Variants in UBN2 observed in about 807,000 individuals in gnomAD.
UBN2 encodes the protein ubinuclein-2.
UBN2 carries 35 observed loss-of-function variants against 120.2 expected under a neutral mutation model. The ratio of observed to expected loss-of-function variants is 0.29; its 90% CI spans 0.22 to 0.39. The LOEUF (loss-of-function observed/expected upper bound fraction) is 0.39. Among genes scored for constraint, UBN2 ranks in the 10% least tolerant of loss-of-function variants. The pLI is 1.00. For synonymous variants in UBN2, 661 were observed against 648.7 expected (o/e 1.02, Z -0.29); for missense variants, 1,693 against 1,663.2 (o/e 1.02, Z -0.31).
In UBN2 at chr7:139,301,322, C is replaced by T. The variant is rs1032864969; in HGVS notation, c.*3486C>T. On this transcript the variant is annotated 3_prime_UTR_variant, in exon 18 of 18. Transcript: ENST00000473989. The stretch of plus-strand genomic sequence containing the variant: ...TACCCAGGGTTGGAAAGGGCAGGCA[C>T]CTCTAATCTAGTCTTTGTCCTCTGG... 2.6e-5 allele frequency: 4 copies of T among 152,114 alleles called. No individual in the cohort carries two copies. Among genetic ancestry groups the T allele is most frequent in the African/African-American group, 9.7e-5 (4 of 41,422 alleles). 9.4% of individuals were successfully genotyped at this position (152,114 alleles called of 1,614,324 possible). A position where few individuals can be genotyped will look rare whatever the true frequency, so the allele number is the denominator to read the frequency against.
intron 7 of UBN2, 60 bp downstream of exon 7, chr7:139,266,463 G>A (rs1797103319): frequency 6.0e-6 from 6 of 1,004,636 alleles, no homozygotes; most frequent in South Asian, 4.5e-5. Flanking sequence ...AATGTAATAG[G>A]CCTTTGAGAT....
In UBN2 at chr7:139,231,741, T is replaced by C. The variant is rs1462617554; in HGVS notation, c.257T>C (p.Leu86Pro). The C allele has an allele frequency of 8.3e-6, 10 of 1,206,936 alleles. No homozygotes were observed. The East Asian group carries it at 3.5e-4, about 42-fold the overall frequency. The allele number at this position is 1,206,936 out of a possible 1,614,324, so 74.8% of individuals were successfully genotyped here. ...AGCCGCGCCGAGCCGCCCATGTCGC[T>C]GCAGCGGGAGCCCCCGCGGCCCGAG... ...EVSRAEPPMSLQREPPRPEPP... is the reference protein window; with the variant it reads ...EVSRAEPPMSPQREPPRPEPP... The change falls in exon 1 of 18, where the codon CTG (leucine) becomes CCG (proline). Residue 86 changes from leucine to proline, a missense_variant. Physicochemically the swap from Leu to Pro is moderately conservative, Grantham distance 98. Coordinates refer to ENST00000473989, the MANE Select transcript of UBN2 (RefSeq NM_173569.4).
At position 139,285,867 on chromosome 7, in the gene UBN2, C is replaced by G. The variant is rs902168780; in HGVS notation, c.3669+1293C>G. On this transcript the variant is annotated intron_variant, in intron 15 of 17. Transcript: ENST00000473989. ...AGGAGATTCTCCTGCCTTAGGCTCC[C>G]GAGTAGCTGGAATTACAGGCACCCG... is the stretch of plus-strand genomic sequence containing the variant. 2.0e-5 allele frequency among the ~76,000 whole-genome samples: 3 copies of G among 152,136 alleles called. No individual in the cohort carries two copies. In the South Asian group the frequency reaches 6.2e-4, roughly 31 times the overall value.
At chr7:139,275,111 C>T (rs937943527) in intron 11 of UBN2, among the ~76,000 whole-genome samples, 17 of 151,168 alleles carry the variant, frequency 1.1e-4, no homozygotes, top group African/African-American at 3.2e-4. Context: ...AACCCTGTAT[C>T]TACTAAAAAT....
intron 3 of UBN2, 105 bp from the exon 4 acceptor site, chr7:139,258,383 A>C (rs992664235): frequency 1.3e-6 from 1 of 779,532 alleles, no homozygotes; most frequent in Non-Finnish European, 1.9e-6. Flanking sequence ...TCTGTGTTGC[A>C]GTTAGGATTT....
Position 139,231,906 on chromosome 7 carries a change from G to T in UBN2, c.422G>T (p.Cys141Phe). ...LVLKDPTDES[C>F]VEFSYPELLL... The stretch of plus-strand genomic sequence containing the variant: ...CTTAAGGACCCCACCGACGAGAGCT[G>T]CGTGGAGTTCAGTTACCCGGAGCTG... The change falls in exon 1 of 18, where the codon TGC (cysteine) becomes TTC (phenylalanine). Residue 141 changes from cysteine to phenylalanine, a missense_variant. Coordinates refer to ENST00000473989, the MANE Select transcript of UBN2 (RefSeq NM_173569.4). 1 of 1,589,048 alleles carries T rather than the reference G, an allele frequency of 6.3e-7. No individual in the cohort carries two copies. Among genetic ancestry groups the T allele is most frequent in the Non-Finnish European group, 8.5e-7 (1 of 1,173,536 alleles).
At position 139,258,336 on chromosome 7, in the gene UBN2, C is replaced by G. The variant is rs1166505986; in HGVS notation, c.664-152C>G. 5.6e-6 allele frequency: 3 copies of G among 537,306 alleles called. No individual in the cohort carries two copies. The Admixed American group carries it at 1.1e-4, about 19-fold the overall frequency. 33.3% of individuals were successfully genotyped at this position (537,306 alleles called of 1,614,324 possible). A position where few individuals can be genotyped will look rare whatever the true frequency, so the allele number is the denominator to read the frequency against. ...ACTAATTTTTATTTCAGATAGTAACCTTTTCTAAATTTATTTTACAAACAT... is the reference window on the plus strand; with the variant it reads ...ACTAATTTTTATTTCAGATAGTAACGTTTTCTAAATTTATTTTACAAACAT... On this transcript the variant is annotated intron_variant, in intron 3 of 17. Coordinates refer to ENST00000473989, the MANE Select transcript of UBN2 (RefSeq NM_173569.4).
At chr7:139,270,528 C>T (rs1415775785) in intron 8 of UBN2, among the ~76,000 whole-genome samples, 2 of 151,964 alleles carry the variant, frequency 1.3e-5, no homozygotes, top group South Asian at 2.1e-4. Context: ...CTTGGCCTCC[C>T]AAAGTGCTAG....
At chr7:139,278,818 C>A (rs968983126) in intron 12 of UBN2, among the ~76,000 whole-genome samples, 1 of 151,888 alleles carries the variant, frequency 6.6e-6, no homozygotes, top group Non-Finnish European at 1.5e-5. Flanking sequence ...TCTTTTTTTT[C>A]ATCTTCAAAC....
chr7:139,262,848 C>T (rs913564674), intron 6 of UBN2, among the ~76,000 whole-genome samples: 1 of 151,830 alleles, frequency 6.6e-6, no homozygotes, highest in Non-Finnish European at 1.5e-5. Context: ...TTTGTTATTC[C>T]ATGTGGCCCC....
At chr7:139,287,179 A>ATC (rs1563225563) in intron 15 of UBN2, among the ~76,000 whole-genome samples, 2 of 152,182 alleles carry the variant, frequency 1.3e-5, no homozygotes, top group African/African-American at 4.8e-5. Context: ...TCTTAAAATT[A>ATC]ATTCTTAATT....
chr7:139,327,638 C>G, the UBN2 span, among the ~76,000 whole-genome samples: 1 of 152,114 alleles, frequency 6.6e-6, no homozygotes, highest in African/African-American at 2.4e-5. Context: ...CCTATTAGGC[C>G]TCACCTCCCA....
intron 2 of UBN2, among the ~76,000 whole-genome samples, chr7:139,246,676 C>T (rs918805794): frequency 7.2e-5 from 11 of 152,190 alleles, no homozygotes; most frequent in Non-Finnish European, 1.3e-4. Context: ...ACAATTGCAT[C>T]ACCCCAGAAA....
intron 8 of UBN2, among the ~76,000 whole-genome samples, chr7:139,270,393 C>T (rs754253847): frequency 1.3e-5 from 2 of 151,492 alleles, no homozygotes; most frequent in South Asian, 2.1e-4. Context: ...CTCAGCCTCC[C>T]GAGTAGCTGT....
chr7:139,309,324 A>T (rs780727625), downstream of UBN2, among the ~76,000 whole-genome samples: 2 of 152,202 alleles, frequency 1.3e-5, no homozygotes, highest in Non-Finnish European at 2.9e-5. Flanking sequence ...AAGAACTAAG[A>T]AGTTAAAAAA....
At chr7:139,240,433 T>A (rs955705356) in intron 2 of UBN2, among the ~76,000 whole-genome samples, 1 of 68,770 alleles carries the variant, frequency 1.5e-5, no homozygotes, top group Non-Finnish European at 3.5e-5. Context: ...AGCCTAAATA[T>A]ATATATATAT....
rs1232803359 is a variant in UBN2, at chr7:139,283,604, C to T, written c.2699C>T (p.Ser900Phe). 4.3e-6 allele frequency: 7 copies of T among 1,614,210 alleles called. No individual in the cohort carries two copies. The highest frequency in any genetic ancestry group is 5.9e-6 in the Non-Finnish European group (7 of 1,180,034). ...TCTTCACAGACCCATGTCTCCTCTT[C>T]TTCCCAAGCCCAAATTGCTGCCTCT... is the stretch of plus-strand genomic sequence containing the variant. The part of the protein sequence containing the change: ...SSSSQTHVSS[S>F]SQAQIAASSH... Residue 900 changes from serine to phenylalanine, a missense_variant, in exon 15 of 18, where the codon TCT (serine) becomes TTT (phenylalanine). Around this residue, in one of 5 missense-constraint regions of UBN2, gnomAD observed 837 missense variants for 817.6 expected, o/e 1.02. Coordinates refer to ENST00000473989, the MANE Select transcript of UBN2 (RefSeq NM_173569.4).
chr7:139,279,195 T>C, intron 12 of UBN2, 123 bp from the exon 13 acceptor site: 1 of 760,482 alleles, frequency 1.3e-6, no homozygotes, highest in Non-Finnish European at 2.2e-6. Flanking sequence ...TAAATACGGT[T>C]CCTTCAAAGA....
Position 139,307,491 on chromosome 7 carries a change from A to AT in UBN2, c.*9655_*9656insT. ...TTTTTTGTATTTTAGTAAAAAAAAA[A>AT]AAAAATAAATTTAAATAAAAGGGGG... On this transcript the variant is annotated 3_prime_UTR_variant, in exon 18 of 18. Coordinates refer to ENST00000473989, the MANE Select transcript of UBN2 (RefSeq NM_173569.4). 1 of 152,060 alleles carries AT rather than the reference A, an allele frequency of 6.6e-6. No individual in the cohort carries two copies. Among genetic ancestry groups the AT allele is most frequent in the Admixed American group, 6.5e-5 (1 of 15,276 alleles). The allele number at this position is 152,060 out of a possible 1,614,324, so 9.4% of individuals were successfully genotyped here.
Sources: allele counts gnomAD v4.1 joint callset (sites outside exome capture counted in the v4.1 genomes callset), GRCh38; gene constraint gnomAD v4.1.1; regional missense constraint gnomAD v4.1.1; transcripts MANE v1.5; gene names NCBI Gene and HGNC (gene_info 2026-07-23, HGNC 2026-07-21).